Variants in ATP8A2 observed in about 807,000 individuals in gnomAD.
ATP8A2 encodes ATPase phospholipid transporting 8A2, also known as phospholipid-transporting ATPase IB.
Under a neutral mutation model 165.6 loss-of-function variants are expected in ATP8A2, and 100 were observed. The ratio of observed to expected loss-of-function variants is 0.60; its 90% CI spans 0.51 to 0.71. ATP8A2 has a LOEUF of 0.71. Among genes scored for constraint, ATP8A2 ranks in the 30% least tolerant of loss-of-function variants. The pLI, the probability that ATP8A2 is intolerant of heterozygous loss-of-function variation, is 0.00. For synonymous variants in ATP8A2, 543 were observed against 548.8 expected, an observed-to-expected ratio of 0.99 and a Z score of 0.15; for missense variants, 1,227 against 1,479.5, an observed-to-expected ratio of 0.83 and a Z score of 2.80.
intron 28 of ATP8A2, among the ~76,000 whole-genome samples, chr13:25,831,778 G>A (rs1475246931): frequency 1.3e-5 from 2 of 151,522 alleles, no homozygotes; most frequent in African/African-American, 4.8e-5. Context: ...GGGAGGCGGA[G>A]GTTGCAGTAA....
At chr13:25,690,056 GA>G (rs897905992) in intron 24 of ATP8A2, among the ~76,000 whole-genome samples, 1 of 151,132 alleles carries the variant, frequency 6.6e-6, no homozygotes, top group African/African-American at 2.4e-5. Context: ...TAGTTTGGGG[GA>G]AAAATAAATT....
intron 24 of ATP8A2, among the ~76,000 whole-genome samples, chr13:25,640,637 A>C (rs112328604): frequency 0.015 from 2,214 of 152,332 alleles, 48 homozygotes; most frequent in African/African-American, 0.049. Flanking sequence ...AAAAAAGTCC[A>C]GGAGCAGATG....
chr13:25,645,217 A>C (rs2041639978), intron 24 of ATP8A2, among the ~76,000 whole-genome samples: 3 of 152,296 alleles, frequency 2.0e-5, no homozygotes, highest in African/African-American at 7.2e-5. Flanking sequence ...AGCAAGAAAA[A>C]AATGAGGAAG....
intron 1 of ATP8A2, among the ~76,000 whole-genome samples, chr13:25,403,255 C>T (rs377638933): frequency 5.1e-4 from 77 of 152,210 alleles, no homozygotes; most frequent in African/African-American, 1.6e-3. Flanking sequence ...TCTGCAGGTG[C>T]CTTGATCTTG....
At chr13:25,907,575 A>G (rs887068057) in intron 33 of ATP8A2, among the ~76,000 whole-genome samples, 8 of 152,278 alleles carry the variant, frequency 5.3e-5, no homozygotes, top group South Asian at 2.1e-4. Context: ...CGTAATATCT[A>G]TGATGGGGAT....
intron 35 of ATP8A2, among the ~76,000 whole-genome samples, chr13:25,996,817 G>A (rs1956518416): frequency 6.6e-6 from 1 of 152,232 alleles, no homozygotes; most frequent in South Asian, 2.1e-4. Flanking sequence ...CCAAGTAGCT[G>A]GGATTATAGG....
Position 25,372,100 on chromosome 13 carries a change from A to T in ATP8A2, c.-113A>T. 2.9e-6 allele frequency: 2 copies of T among 691,160 alleles called. No homozygotes were observed. The highest frequency in any genetic ancestry group is 2.0e-6 in the Non-Finnish European group (1 of 504,692). 42.8% of individuals were successfully genotyped at this position (691,160 alleles called of 1,614,324 possible). On this transcript the variant is annotated 5_prime_UTR_variant, in exon 1 of 37. Coordinates refer to ENST00000381655, the MANE Select transcript of ATP8A2 (RefSeq NM_016529.6). This position sits in a 1 kb window ranked among gnomAD's most constrained non-coding sequence, Gnocchi z 4.8. Reference sequence around the variant, plus strand: ...GCGCCGGCGGTCCCCGCCAGCTAGCAGCCCGGCGAGGCGCTGGCCCACCCA... The same window carrying T: ...GCGCCGGCGGTCCCCGCCAGCTAGCTGCCCGGCGAGGCGCTGGCCCACCCA...
At chr13:25,755,847 C>T (rs1016134105) in intron 25 of ATP8A2, among the ~76,000 whole-genome samples, 2 of 152,116 alleles carry the variant, frequency 1.3e-5, no homozygotes, top group East Asian at 3.8e-4. Flanking sequence ...GTGGACGTTG[C>T]AGGCAGCCAA....
chr13:25,605,677 G>A (rs947454586), intron 24 of ATP8A2, among the ~76,000 whole-genome samples: 11 of 151,916 alleles, frequency 7.2e-5, no homozygotes, highest in East Asian at 5.8e-4. Context: ...TTTTTCTCTC[G>A]TAGCTGAGAT....
intron 33 of ATP8A2, among the ~76,000 whole-genome samples, chr13:25,957,269 A>G (rs1050734980): frequency 4.6e-5 from 7 of 152,250 alleles, no homozygotes; most frequent in Admixed American, 4.6e-4. Flanking sequence ...AAATTGACAA[A>G]TGGATCTAAT....
chr13:25,978,014 A>G (rs1203401310), intron 35 of ATP8A2, among the ~76,000 whole-genome samples: 1 of 152,170 alleles, frequency 6.6e-6, no homozygotes, highest in Non-Finnish European at 1.5e-5. Flanking sequence ...TCTATTTGCC[A>G]ACAAGACTTT....
At chr13:26,008,102 C>T (rs992295438) in intron 35 of ATP8A2, among the ~76,000 whole-genome samples, 1 of 152,074 alleles carries the variant, frequency 6.6e-6, no homozygotes, top group Non-Finnish European at 1.5e-5. Flanking sequence ...ACCCACAGGG[C>T]CCTAGCAGAG....
At chr13:25,858,430 C>A (rs1952235254) in intron 30 of ATP8A2, among the ~76,000 whole-genome samples, 1 of 152,142 alleles carries the variant, frequency 6.6e-6, no homozygotes, top group Admixed American at 6.5e-5. Context: ...ATAACTCTTA[C>A]TTTACCCAGC....
chr13:25,626,437 GGTC>G (rs2041102063), intron 24 of ATP8A2, among the ~76,000 whole-genome samples: 1 of 152,050 alleles, frequency 6.6e-6, no homozygotes, highest in South Asian at 2.1e-4. Flanking sequence ...CCATTGTAGG[GGTC>G]CCACCCTGAT....
intron 25 of ATP8A2, among the ~76,000 whole-genome samples, chr13:25,704,448 TC>T (rs1391460179): frequency 4.0e-5 from 6 of 151,868 alleles, no homozygotes; most frequent in African/African-American, 1.5e-4. Flanking sequence ...CAAGCGATCT[TC>T]CTGTTCAGTC....
At chr13:25,728,197 G>A (rs1199529259) in intron 25 of ATP8A2, among the ~76,000 whole-genome samples, 1 of 152,174 alleles carries the variant, frequency 6.6e-6, no homozygotes, top group Non-Finnish European at 1.5e-5. Flanking sequence ...TTCCTGGTGT[G>A]AATGAACAGC....
chr13:25,930,907 T>G (rs1954755486), intron 33 of ATP8A2, among the ~76,000 whole-genome samples: 2 of 152,170 alleles, frequency 1.3e-5, no homozygotes, highest in African/African-American at 4.8e-5. Flanking sequence ...CCGCCGGTGT[T>G]CCTTTCGTCC....
chr13:25,428,356 G>A (rs1295691241), intron 1 of ATP8A2, among the ~76,000 whole-genome samples: 1 of 152,156 alleles, frequency 6.6e-6, no homozygotes, highest in Non-Finnish European at 1.5e-5. Flanking sequence ...ACTACTTCTT[G>A]GTGTTAACTT....
At chr13:25,469,822 C>G (rs1341106235) in intron 2 of ATP8A2, among the ~76,000 whole-genome samples, 1 of 152,224 alleles carries the variant, frequency 6.6e-6, no homozygotes, top group Non-Finnish European at 1.5e-5. Flanking sequence ...CCCAGCCCAT[C>G]TGACTACTAA....
Sources: gnomAD v4.1 joint callset for allele counts (sites outside exome capture counted in the v4.1 genomes callset) on GRCh38, gnomAD v4.1.1 for gene constraint, Gnocchi (gnomAD v3.1) non-coding constraint, MANE v1.5 for transcripts, NCBI Gene and HGNC (gene_info 2026-07-23, HGNC 2026-07-21) for gene names.